CPPED1: variants seen among roughly 807,000 people sequenced by gnomAD.
CPPED1 encodes the protein calcineurin like phosphoesterase domain containing 1.
Under a neutral mutation model 28.0 loss-of-function variants are expected in CPPED1, and 28 were observed. The observed-to-expected ratio is 1.00, with a 90% CI of 0.74 to 1.37. The LOEUF is 1.37. Ranked by LOEUF, CPPED1 falls within the 40% of genes most tolerant of loss-of-function variation. The probability of loss-of-function intolerance (pLI) is 0.00; values close to 1 mark genes in which losing one functional copy is unlikely to be tolerated. For synonymous variants in CPPED1, 198 were observed against 180.2 expected, an observed-to-expected ratio of 1.10 and a Z score of -0.79; for missense variants, 504 against 416.5, an observed-to-expected ratio of 1.21 and a Z score of -1.83.
At position 12,741,461 on chromosome 16, in the gene CPPED1, G is replaced by C. The variant is rs117698552; in HGVS notation, c.290-36412C>G. ...GATTTAAGGCAGGAAGCTCAACCAA[G>C]AGCAGTTTTTGCAATGGGCCTGATG... On this transcript the variant is annotated intron_variant, in intron 2 of 3. Coordinates refer to ENST00000381774, the MANE Select transcript of CPPED1 (RefSeq NM_018340.3). 1.3e-3 allele frequency among the ~76,000 whole-genome samples: 202 copies of C among 152,300 alleles called. 5 individuals carry two copies. In the East Asian group the frequency reaches 0.029, roughly 22 times the overall value.
intron 1 of CPPED1, among the ~76,000 whole-genome samples, chr16:12,789,779 G>A (rs983602145): frequency 6.6e-6 from 1 of 152,044 alleles, no homozygotes; most frequent in Non-Finnish European, 1.5e-5. Context: ...AGCTCACCTT[G>A]ACCTCCCAAG....
At chr16:12,704,413 T>G (rs2080036375) in intron 3 of CPPED1, among the ~76,000 whole-genome samples, 1 of 152,192 alleles carries the variant, frequency 6.6e-6, no homozygotes, top group South Asian at 2.1e-4. Flanking sequence ...AAGGCTACTA[T>G]TACTATTCCT....
intron 3 of CPPED1, among the ~76,000 whole-genome samples, chr16:12,669,913 A>C (rs1449362097): frequency 6.6e-6 from 1 of 152,266 alleles, no homozygotes; most frequent in Non-Finnish European, 1.5e-5. Context: ...AAATGGACTC[A>C]GGAATCAAGT....
chr16:12,776,894 G>A (rs2080501292), intron 2 of CPPED1, among the ~76,000 whole-genome samples: 1 of 152,118 alleles, frequency 6.6e-6, no homozygotes. Context: ...ACTCCAGCCT[G>A]GGCAACAGAG....
At chr16:12,726,794 G>A (rs7198235) in intron 2 of CPPED1, among the ~76,000 whole-genome samples, 76,841 of 151,746 alleles carry the variant, frequency 0.51, 20,191 homozygotes, top group Admixed American at 0.61. Context: ...GGGTGACAGA[G>A]CAAGACCCTG....
intron 1 of CPPED1, among the ~76,000 whole-genome samples, chr16:12,801,320 T>C (rs560695865): frequency 6.2e-4 from 94 of 152,282 alleles, no homozygotes; most frequent in Middle Eastern, 3.4e-3. Context: ...CTCGAACTCC[T>C]GACCTCAGGT....
At chr16:12,688,451 G>C (rs1260162638) in intron 3 of CPPED1, among the ~76,000 whole-genome samples, 1 of 150,198 alleles carries the variant, frequency 6.7e-6, no homozygotes, top group Non-Finnish European at 1.5e-5. Context: ...TTATTCTCCT[G>C]CCTCAGCTTC....
intron 2 of CPPED1, among the ~76,000 whole-genome samples, chr16:12,728,028 C>T (rs958597176): frequency 2.6e-5 from 4 of 152,198 alleles, no homozygotes; most frequent in Non-Finnish European, 5.9e-5. Flanking sequence ...CAGATGAATA[C>T]ACTAATTCAA....
At chr16:12,766,905 A>G (rs186212927) in intron 2 of CPPED1, among the ~76,000 whole-genome samples, 214 of 152,230 alleles carry the variant, frequency 1.4e-3, no homozygotes, top group Non-Finnish European at 2.6e-3. Flanking sequence ...CTCTACAATC[A>G]TGGTCTGCTA....
At chr16:12,771,959 C>A (rs535444875) in intron 2 of CPPED1, among the ~76,000 whole-genome samples, 1 of 152,052 alleles carries the variant, frequency 6.6e-6, no homozygotes, top group African/African-American at 2.4e-5. Context: ...CTTGTCTCTA[C>A]TAAAAATACA....
At chr16:12,713,168 C>T (rs1325802498) in intron 2 of CPPED1, among the ~76,000 whole-genome samples, 1 of 151,704 alleles carries the variant, frequency 6.6e-6, no homozygotes, top group Non-Finnish European at 1.5e-5. Flanking sequence ...GTGCTCAGGA[C>T]GAATTGTGTT....
rs745394354 is a variant in CPPED1, at chr16:12,676,902, C to T, written c.716-11787G>A. ...GGTTATTACCTGTGATTTTATTATA[C>T]GATTTAGAGATGTTCAGTAGTTTGC... On this transcript the variant is annotated intron_variant, in intron 3 of 3. Coordinates refer to ENST00000381774, the MANE Select transcript of CPPED1 (RefSeq NM_018340.3). 1.1e-4 allele frequency among the ~76,000 whole-genome samples: 16 copies of T among 152,212 alleles called. No homozygotes were observed. The South Asian group carries it at 1.5e-3, about 14-fold the overall frequency.
chr16:12,776,071 T>C lies in CPPED1; in HGVS notation c.289+5114A>G, dbSNP rs1490033617. On this transcript the variant is annotated intron_variant, in intron 2 of 3. Transcript: ENST00000381774. Reference sequence around the variant, plus strand: ...TGTTAAGGATCTTGAGATGGAAACATTATCCTGGGTTATCTGGATGGACCT... The same window carrying C: ...TGTTAAGGATCTTGAGATGGAAACACTATCCTGGGTTATCTGGATGGACCT... Among the ~76,000 whole-genome samples the C allele has an allele frequency of 2.6e-5, 4 of 152,170 alleles. No homozygotes were observed. The East Asian group carries it at 7.7e-4, about 29-fold the overall frequency.
intron 2 of CPPED1, among the ~76,000 whole-genome samples, chr16:12,779,139 T>C (rs551523404): frequency 6.6e-6 from 1 of 152,328 alleles, no homozygotes; most frequent in East Asian, 1.9e-4. Flanking sequence ...GAACATGTTA[T>C]ATAATTCCAG....
At chr16:12,756,427 G>T (rs965642747) in intron 2 of CPPED1, among the ~76,000 whole-genome samples, 1 of 152,096 alleles carries the variant, frequency 6.6e-6, no homozygotes, top group Non-Finnish European at 1.5e-5. Context: ...AGGTGCGGTG[G>T]CTCATGTCTG....
chr16:12,777,776 C>T (rs2080505749), intron 2 of CPPED1, among the ~76,000 whole-genome samples: 1 of 151,584 alleles, frequency 6.6e-6, no homozygotes, highest in Admixed American at 6.6e-5. Context: ...GCATCTAACA[C>T]TGTAATTGGC....
intron 1 of CPPED1, among the ~76,000 whole-genome samples, chr16:12,801,162 C>T (rs1230199029): frequency 6.6e-6 from 1 of 152,166 alleles, no homozygotes. Flanking sequence ...GGCACATTCT[C>T]GGCTCACTGC....
intron 2 of CPPED1, among the ~76,000 whole-genome samples, chr16:12,717,508 C>G (rs954936788): frequency 2.0e-5 from 3 of 152,138 alleles, no homozygotes; most frequent in African/African-American, 7.2e-5. Flanking sequence ...TCGTGACCTG[C>G]CTGCTTCGGC....
chr16:12,740,279 CTACAAAAA>C (rs1356175912), intron 2 of CPPED1, among the ~76,000 whole-genome samples: 1 of 151,806 alleles, frequency 6.6e-6, no homozygotes, highest in African/African-American at 2.4e-5. Flanking sequence ...AACCCCATCT[CTACAAAAA>C]TACAAAAATT....
Sources: allele counts gnomAD v4.1 joint callset (sites outside exome capture counted in the v4.1 genomes callset), GRCh38; gene constraint gnomAD v4.1.1; transcripts MANE v1.5; gene names NCBI Gene and HGNC (gene_info 2026-07-23, HGNC 2026-07-21).